The following LAMA3 variants were observed in gnomAD, a reference collection of about 807,000 sequenced individuals.
LAMA3 encodes the protein laminin subunit alpha 3.
In LAMA3, 281 loss-of-function variants were observed where a neutral mutation model predicts 402.0. The observed-to-expected ratio is 0.70, with a 90% CI of 0.63 to 0.77. The LOEUF (loss-of-function observed/expected upper bound fraction) is 0.77. Among genes scored for constraint, LAMA3 ranks in the 30% least tolerant of loss-of-function variants. The pLI is 0.00. For missense variants in LAMA3, 3,840 were observed against 4,215.5 expected (o/e 0.91, Z 2.47); for synonymous variants, 1,431 against 1,558.4 (o/e 0.92, Z 1.93).
intron 69 of LAMA3, 53 bp from the exon 70 acceptor site, chr18:23,946,091 A>C: frequency 1.9e-6 from 3 of 1,552,938 alleles, no homozygotes; most frequent in South Asian, 1.1e-5. Context: ...ATAAAATACA[A>C]CACCAATTGT....
chr18:23,899,161 A>G (rs1329793050), intron 46 of LAMA3, 96 bp downstream of exon 46: 2 of 1,303,006 alleles, frequency 1.5e-6, no homozygotes, highest in Non-Finnish European at 2.2e-6. Context: ...ACATTATGAA[A>G]AGAATCCCAT....
intron 2 of LAMA3, among the ~76,000 whole-genome samples, chr18:23,730,752 C>T (rs2061380879): frequency 6.6e-6 from 1 of 152,118 alleles, no homozygotes; most frequent in Non-Finnish European, 1.5e-5. Flanking sequence ...TTGCTGTTTT[C>T]ATTTCAGTGA....
chr18:23,888,278 T>C (rs774198770), intron 41 of LAMA3, among the ~76,000 whole-genome samples: 4 of 152,234 alleles, frequency 2.6e-5, no homozygotes, highest in South Asian at 4.1e-4. Flanking sequence ...CTTGTAATAA[T>C]TTCAAATGAT....
At chr18:23,844,968 A>G (rs1252482358) in intron 29 of LAMA3, 41 bp from the exon 30 acceptor site, 8 of 1,128,620 alleles carry the variant, frequency 7.1e-6, no homozygotes, top group Non-Finnish European at 1.1e-5. Flanking sequence ...GGTCTGTGTC[A>G]TCATTGGAAA....
chr18:23,694,811 T>C (rs918700548), intron 1 of LAMA3, among the ~76,000 whole-genome samples: 5 of 152,226 alleles, frequency 3.3e-5, no homozygotes, highest in African/African-American at 9.6e-5. Flanking sequence ...ATGAGCTTCC[T>C]GAGGGTGGGG....
intron 71 of LAMA3, 32 bp from the exon 72 acceptor site, chr18:23,949,997 C>CT: frequency 6.2e-7 from 1 of 1,614,100 alleles, no homozygotes; most frequent in East Asian, 2.2e-5. Flanking sequence ...CATGGTGATG[C>CT]TTTAACTTTT....
rs944247679 is a variant in LAMA3 at position 23,843,191 on chromosome 18, C to T, written c.3603+441C>T. On this transcript the variant is annotated intron_variant, in intron 29 of 74. Coordinates refer to ENST00000313654, the MANE Select transcript of LAMA3 (RefSeq NM_198129.4). ...GTCATTTCTCCTTGGATACATCTTCCGTGCCCATCGATTCTATTCTCTCCA... is the reference window on the plus strand; with the variant it reads ...GTCATTTCTCCTTGGATACATCTTCTGTGCCCATCGATTCTATTCTCTCCA... Among the ~76,000 whole-genome samples the T allele has an allele frequency of 4.6e-5, 7 of 152,144 alleles. No individual in the cohort carries two copies. In the East Asian group the frequency reaches 5.8e-4, roughly 13 times the overall value.
chr18:23,847,364 A>G, intron 31 of LAMA3, 100 bp from the exon 32 acceptor site: 2 of 1,247,884 alleles, frequency 1.6e-6, no homozygotes, highest in East Asian at 4.7e-5. Flanking sequence ...TTTCTCTCTG[A>G]CCCTTTGGAG....
At chr18:23,722,466 G>A (rs2061231966) in intron 2 of LAMA3, among the ~76,000 whole-genome samples, 1 of 152,208 alleles carries the variant, frequency 6.6e-6, no homozygotes, top group South Asian at 2.1e-4. Flanking sequence ...GAATTAAATG[G>A]AAATGTGAAT....
intron 12 of LAMA3, among the ~76,000 whole-genome samples, chr18:23,802,411 T>C (rs968465516): frequency 6.6e-6 from 1 of 152,176 alleles, no homozygotes; most frequent in Non-Finnish European, 1.5e-5. Context: ...CTTGCCTGAA[T>C]TGGGTTGTAG....
intron 11 of LAMA3, among the ~76,000 whole-genome samples, chr18:23,783,566 G>C (rs1489619404): frequency 1.3e-5 from 2 of 152,208 alleles, no homozygotes; most frequent in Non-Finnish European, 1.5e-5. Flanking sequence ...GGGAAGGCCA[G>C]TGCCGGGAGG....
intron 41 of LAMA3, among the ~76,000 whole-genome samples, chr18:23,889,326 C>A (rs1034673934): frequency 6.6e-6 from 1 of 152,060 alleles, no homozygotes; most frequent in South Asian, 2.1e-4. Flanking sequence ...TTTTGGGAGG[C>A]TGAGGCAGAA....
chr18:23,934,030 C>A, intron 67 of LAMA3, 95 bp downstream of exon 67: 1 of 1,194,598 alleles, frequency 8.4e-7, no homozygotes, highest in South Asian at 1.2e-5. Context: ...GGTGAGAGCT[C>A]ACCAGTCCAT....
intron 2 of LAMA3, among the ~76,000 whole-genome samples, chr18:23,716,161 C>T (rs4387667): frequency 2.6e-5 from 4 of 151,662 alleles, no homozygotes; most frequent in East Asian, 1.9e-4. Flanking sequence ...CCTACCATAT[C>T]GATTTTTTTT....
chr18:23,951,515 C>T (rs2082908346), intron 72 of LAMA3, among the ~76,000 whole-genome samples, 169 bp from the exon 73 acceptor site: 1 of 152,128 alleles, frequency 6.6e-6, no homozygotes, highest in African/African-American at 2.4e-5. Flanking sequence ...AGAGAGATCT[C>T]TGGAAGCATT....
At chr18:23,861,483 G>A (rs892979202) in intron 34 of LAMA3, among the ~76,000 whole-genome samples, 163 bp from the exon 35 acceptor site, 4 of 152,188 alleles carry the variant, frequency 2.6e-5, no homozygotes, top group Non-Finnish European at 5.9e-5. Flanking sequence ...TGGGTCAGAC[G>A]GGGCTCTGGC....
chr18:23,769,921 A>G (rs2062158892), intron 8 of LAMA3, among the ~76,000 whole-genome samples: 1 of 152,262 alleles, frequency 6.6e-6, no homozygotes, highest in Non-Finnish European at 1.5e-5. Context: ...GAAAAAATAT[A>G]CTATGTAAAC....
At chr18:23,763,032 T>C (rs968180644) in intron 7 of LAMA3, among the ~76,000 whole-genome samples, 1 of 152,070 alleles carries the variant, frequency 6.6e-6, no homozygotes, top group Non-Finnish European at 1.5e-5. Context: ...AATTTTTGTA[T>C]TTTTAGTAGA....
intron 8 of LAMA3, among the ~76,000 whole-genome samples, chr18:23,764,705 C>T (rs1239744111): frequency 4.6e-5 from 7 of 151,644 alleles, no homozygotes; most frequent in South Asian, 2.1e-4. Flanking sequence ...ATTTAGGTAG[C>T]GTAATTAACT....
Sources: allele counts gnomAD v4.1 joint callset (sites outside exome capture counted in the v4.1 genomes callset), GRCh38; gene constraint gnomAD v4.1.1; transcripts MANE v1.5; gene names NCBI Gene and HGNC (gene_info 2026-07-23, HGNC 2026-07-21).